The following CSF1 variants were observed in gnomAD, a reference collection of about 807,000 sequenced individuals.
CSF1 encodes the protein colony stimulating factor 1.
Under a neutral mutation model 48.9 loss-of-function variants are expected in CSF1, and 9 were observed. The ratio of observed to expected loss-of-function variants is 0.18; its 90% CI spans 0.11 to 0.32. CSF1 has a LOEUF of 0.32. CSF1 is among the 10% of genes least tolerant of loss of function. The pLI is 1.00. For synonymous variants in CSF1, 305 were observed against 284.1 expected (o/e 1.07, Z -0.74); for missense variants, 672 against 697.9 (o/e 0.96, Z 0.42).
intron 6 of CSF1, among the ~76,000 whole-genome samples, 195 bp downstream of exon 6, chr1:109,924,385 G>A (rs529526543): frequency 1.3e-5 from 2 of 152,254 alleles, no homozygotes; most frequent in Non-Finnish European, 1.5e-5. Flanking sequence ...CAAGCTATAA[G>A]GTCAATGGGA....
At chr1:109,925,494 C>T (rs1350952684) in intron 8 of CSF1, among the ~76,000 whole-genome samples, 1 of 152,172 alleles carries the variant, frequency 6.6e-6, no homozygotes, top group Non-Finnish European at 1.5e-5. Context: ...ACTAAACCCC[C>T]CTTTTTCAAA....
Position 109,921,990 on chromosome 1 carries a change from C to T in CSF1, c.540C>T (p.Ser180=), listed in dbSNP as rs147128516. 212 of 1,596,230 alleles carry T rather than the reference C, an allele frequency of 1.3e-4. No individual in the cohort carries two copies. Among genetic ancestry groups the T allele is most frequent in the Non-Finnish European group, 3.0e-5 (35 of 1,168,838 alleles). The stretch of plus-strand genomic sequence containing the variant: ...ACAACAGCTTTGCTGAATGCTCCAG[C>T]CAAGGTAAGCATGGCAGGGGCCAGC... ...NCNNSFAECS[S]QDVVTKPDCN... is the part of the protein sequence containing the mutation. The change falls in exon 5 of 9, where the codon AGC becomes AGT. Residue 180 remains serine (S), a synonymous_variant. Transcript: ENST00000329608.
At chr1:109,911,460 C>G (rs1432550310) in intron 1 of CSF1, among the ~76,000 whole-genome samples, 1 of 152,240 alleles carries the variant, frequency 6.6e-6, no homozygotes, top group East Asian at 1.9e-4. Flanking sequence ...CCTTCCTCAT[C>G]GGCCACACAC....
At chr1:109,914,710 G>T (rs1654825593) in intron 2 of CSF1, among the ~76,000 whole-genome samples, 1 of 152,236 alleles carries the variant, frequency 6.6e-6, no homozygotes, top group Non-Finnish European at 1.5e-5. Flanking sequence ...CCCTCAGTGG[G>T]ATGCCTCCTC....
chr1:109,917,079 A>G (rs1025442752), intron 3 of CSF1, among the ~76,000 whole-genome samples: 1 of 151,994 alleles, frequency 6.6e-6, no homozygotes, highest in African/African-American at 2.4e-5. Context: ...CAGAATCCAC[A>G]TTTCCTTCAC....
intron 8 of CSF1, among the ~76,000 whole-genome samples, chr1:109,927,482 C>T (rs916007693): frequency 6.6e-6 from 1 of 152,176 alleles, no homozygotes; most frequent in South Asian, 2.1e-4. Flanking sequence ...TGCCACAACA[C>T]CCTTCCCACG....
intron 4 of CSF1, among the ~76,000 whole-genome samples, chr1:109,919,975 T>TAAAA (rs897795427): frequency 2.6e-4 from 37 of 144,978 alleles, no homozygotes; most frequent in Middle Eastern, 3.2e-3. Flanking sequence ...AATAAATAAA[T>TAAAA]AAAAGACTGA....
chr1:109,928,484 C>T (rs72974786), intron 8 of CSF1, among the ~76,000 whole-genome samples: 2,930 of 152,292 alleles, frequency 0.019, 85 homozygotes, highest in African/African-American at 0.066. Context: ...GAGATGACCT[C>T]GCCTGAGGAG....
chr1:109,920,016 G>T (rs1012698001), intron 4 of CSF1, among the ~76,000 whole-genome samples: 1 of 151,682 alleles, frequency 6.6e-6, no homozygotes, highest in African/African-American at 2.4e-5. Flanking sequence ...AGCAGCTGTC[G>T]CACTGATGAT....
chr1:109,923,475 G>C lies in CSF1; in HGVS notation c.854G>C (p.Gly285Ala). The C allele has an allele frequency of 6.2e-7, 1 of 1,614,106 alleles. No individual in the cohort carries two copies. Among genetic ancestry groups the C allele is most frequent in the Non-Finnish European group, 8.5e-7 (1 of 1,179,990 alleles). The change falls in exon 6 of 9, where the codon GGG (glycine) becomes GCG (alanine). Residue 285 changes from glycine (G) to alanine (A), a missense_variant. Physicochemically the swap from Gly to Ala is moderately conservative, Grantham distance 60. Transcript: ENST00000329608. ...TCACCACAGCCTCGCCCCTCTGTCGGGGCCTTCAACCCCGGGATGGAGGAT... is the reference window on the plus strand; with the variant it reads ...TCACCACAGCCTCGCCCCTCTGTCGCGGCCTTCAACCCCGGGATGGAGGAT... ...GGSPQPRPSVGAFNPGMEDIL... is the reference protein window; with the variant it reads ...GGSPQPRPSVAAFNPGMEDIL...
chr1:109,925,629 G>T (rs557132259), intron 8 of CSF1, among the ~76,000 whole-genome samples: 1 of 151,998 alleles, frequency 6.6e-6, no homozygotes, highest in Non-Finnish European at 1.5e-5. Flanking sequence ...TTGCCAGATC[G>T]CCACCCCCGC....
At chr1:109,915,580 G>A in intron 2 of CSF1, 54 bp from the exon 3 acceptor site, 2 of 1,485,070 alleles carry the variant, frequency 1.3e-6, no homozygotes. Context: ...GAAGGCTGAA[G>A]GCTGAGTTGA....
intron 5 of CSF1, chr1:109,922,590 T>C: frequency 6.5e-6 from 1 of 154,280 alleles, no homozygotes; most frequent in Non-Finnish European, 1.4e-5. Context: ...ACACGTGCCC[T>C]CCTACATTCA....
intron 1 of CSF1, among the ~76,000 whole-genome samples, 187 bp downstream of exon 1, chr1:109,911,249 C>T (rs1475079664): frequency 6.6e-6 from 1 of 152,080 alleles, no homozygotes; most frequent in Non-Finnish European, 1.5e-5. Context: ...AGGCCGGTGG[C>T]GGCCCTGCAG....
chr1:109,919,548 G>A (rs1647419746), intron 4 of CSF1, among the ~76,000 whole-genome samples: 1 of 152,174 alleles, frequency 6.6e-6, no homozygotes, highest in Non-Finnish European at 1.5e-5. Context: ...TTTTTAATAA[G>A]AGAGGTATTA....
intron 4 of CSF1, among the ~76,000 whole-genome samples, chr1:109,917,986 C>G (rs1425804275): frequency 6.6e-6 from 1 of 152,108 alleles, no homozygotes; most frequent in Non-Finnish European, 1.5e-5. Context: ...AAGAGTAAAC[C>G]AGGGATGAGA....
chr1:109,923,598 C>G lies in CSF1; in HGVS notation c.977C>G (p.Ser326Cys). The G allele has an allele frequency of 6.2e-7, 1 of 1,614,190 alleles. No individual in the cohort carries two copies. The highest frequency in any genetic ancestry group is 8.5e-7 in the Non-Finnish European group (1 of 1,180,022). The change falls in exon 6 of 9, where the codon TCC becomes TGC. Residue 326 changes from serine (S) to cysteine (C), a missense_variant. This residue lies in a region of CSF1 where 591 missense variants were observed against 593.6 expected (regional missense o/e 1.00). Coordinates refer to ENST00000329608, the MANE Select transcript of CSF1 (RefSeq NM_000757.6). Reference sequence around the variant, plus strand: ...CCCCAAGGGACAGAGCTTTCCCCCTCCAGGCCAGGAGGGGGCAGCATGCAG... The same window carrying G: ...CCCCAAGGGACAGAGCTTTCCCCCTGCAGGCCAGGAGGGGGCAGCATGCAG... Reference protein sequence around the residue: ...PVPQGTELSPSRPGGGSMQTE... With the variant: ...PVPQGTELSPCRPGGGSMQTE...
chr1:109,924,010 G>A lies in CSF1; in HGVS notation c.1389G>A (p.Gly463=), dbSNP rs1416705194. The part of the protein sequence containing the change: ...AEPEGGPASE[G]AARPLPRFNS... ...CAGAAGGAGGACCAGCAAGTGAAGG[G>A]GCAGCCAGGCCCCTGCCCCGTTTTA... is the stretch of plus-strand genomic sequence containing the variant. Residue 463 remains glycine (G), a synonymous_variant, in exon 6 of 9, where the codon GGG becomes GGA. Coordinates refer to ENST00000329608, the MANE Select transcript of CSF1 (RefSeq NM_000757.6). 1.9e-6 allele frequency: 3 copies of A among 1,614,072 alleles called. No individual in the cohort carries two copies. The highest frequency in any genetic ancestry group is 2.5e-6 in the Non-Finnish European group (3 of 1,180,040).
chr1:109,910,521 G>A, upstream of CSF1: 1 of 393,616 alleles, frequency 2.5e-6, no homozygotes, highest in Non-Finnish European at 5.3e-6. Flanking sequence ...AGCCTGGAGA[G>A]CGCGGAAGGA....
Sources: gnomAD v4.1 joint callset for allele counts (sites outside exome capture counted in the v4.1 genomes callset) on GRCh38, gnomAD v4.1.1 for gene constraint, gnomAD v4.1.1 regional missense constraint, MANE v1.5 for transcripts, NCBI Gene and HGNC (gene_info 2026-07-23, HGNC 2026-07-21) for gene names.